FAAH2: variants seen among roughly 807,000 people sequenced by gnomAD.
The protein encoded by FAAH2 is fatty acid amide hydrolase 2, also known as fatty-acid amide hydrolase 2.
A neutral mutation model predicts 36.9 loss-of-function variants in FAAH2; 60 were observed. That is an observed-to-expected ratio of 1.63 (90% CI 1.32 to 2.02). The LOEUF (loss-of-function observed/expected upper bound fraction) is 2.02. Among genes scored for constraint, FAAH2 ranks in the 30% most tolerant of loss-of-function variants. The pLI is 0.00. For synonymous variants in FAAH2, 214 were observed against 143.8 expected (o/e 1.49, Z -3.49); for missense variants, 689 against 397.5 (o/e 1.73, Z -6.23).
the FAAH2 span, among the ~76,000 whole-genome samples, chrX:57,161,075 G>T: frequency 8.9e-6 from 1 of 111,914 alleles, no homozygotes; most frequent in Non-Finnish European, 1.9e-5. Context: ...GTTCTTGTTT[G>T]TTTCAAAGAA....
rs2057526274 is a variant in FAAH2, at chrX:57,489,066, C to G, written c.*134C>G. On this transcript the variant is annotated 3_prime_UTR_variant, in exon 11 of 11. Coordinates refer to ENST00000374900, the MANE Select transcript of FAAH2 (RefSeq NM_174912.4). Reference sequence around the variant, plus strand: ...GAATTTATTGACTCATTTAGTTATTCTTTCTACTTTTATTTCCTTCTCTAA... The same window carrying G: ...GAATTTATTGACTCATTTAGTTATTGTTTCTACTTTTATTTCCTTCTCTAA... The G allele has an allele frequency of 1.5e-6, 1 of 651,222 alleles. No homozygotes were observed. Among genetic ancestry groups the G allele is most frequent in the Non-Finnish European group, 2.2e-6 (1 of 457,681 alleles). The allele number at this position is 651,222 out of a possible 1,213,427, so 53.7% of individuals were successfully genotyped here.
intron 4 of FAAH2, 23 bp downstream of exon 4, chrX:57,331,830 G>T (rs1272280243): frequency 7.1e-6 from 8 of 1,132,301 alleles, no homozygotes; most frequent in African/African-American, 1.8e-5. Context: ...TTTTAGTATG[G>T]CATGAATAGC....
At chrX:57,397,143 T>C (rs769336720) in intron 7 of FAAH2, among the ~76,000 whole-genome samples, 1 of 111,977 alleles carries the variant, frequency 8.9e-6, no homozygotes, top group South Asian at 3.7e-4. Flanking sequence ...TTCTTCCCCC[T>C]TTTGCTTTTT....
chrX:57,480,685 C>T (rs2057363016), intron 10 of FAAH2, among the ~76,000 whole-genome samples: 1 of 111,119 alleles, frequency 9.0e-6, no homozygotes. Context: ...TCCTTCATTT[C>T]AATATTGGAG....
chrX:57,225,299 C>T, the FAAH2 span, among the ~76,000 whole-genome samples: 198 of 110,960 alleles, frequency 1.8e-3, no homozygotes, highest in Middle Eastern at 9.2e-3. Flanking sequence ...TTCCTCTTAG[C>T]GCCTCCTTAG....
chrX:57,323,916 A>G (rs1373628882), intron 3 of FAAH2, among the ~76,000 whole-genome samples: 2 of 110,840 alleles, frequency 1.8e-5, no homozygotes, highest in Non-Finnish European at 3.8e-5. Context: ...GTCCTTGCCC[A>G]TGCCTATGTC....
At chrX:57,125,017 C>T in the FAAH2 span, among the ~76,000 whole-genome samples, 1 of 112,276 alleles carries the variant, frequency 8.9e-6, no homozygotes, top group East Asian at 2.8e-4. Flanking sequence ...TCCTGATTGC[C>T]CTGGCCAGAA....
the FAAH2 span, among the ~76,000 whole-genome samples, chrX:57,130,397 A>G: frequency 4.7e-4 from 53 of 111,851 alleles, no homozygotes; most frequent in African/African-American, 1.7e-3. Context: ...AGTTACTGAA[A>G]CAGCACCCCT....
intron 7 of FAAH2, chrX:57,393,644 C>A (rs917844439): frequency 5.8e-5 from 55 of 951,440 alleles, no homozygotes; most frequent in Non-Finnish European, 7.7e-5. Flanking sequence ...ATCTTCAGCA[C>A]TGACGGGGTC....
chrX:57,408,441 A>G (rs777807044), intron 7 of FAAH2, among the ~76,000 whole-genome samples: 12 of 111,252 alleles, frequency 1.1e-4, no homozygotes, highest in Non-Finnish European at 2.3e-4. Context: ...TTCCTGATTT[A>G]TTTCTAACAT....
intron 7 of FAAH2, among the ~76,000 whole-genome samples, chrX:57,403,549 T>C (rs773898139): frequency 8.8e-6 from 1 of 113,020 alleles, no homozygotes; most frequent in Admixed American, 9.3e-5. Flanking sequence ...ACCGTTCTTA[T>C]GCAAATTCAT....
intron 7 of FAAH2, among the ~76,000 whole-genome samples, chrX:57,421,746 G>C (rs927703552): frequency 8.0e-5 from 9 of 111,992 alleles, no homozygotes; most frequent in Non-Finnish European, 1.5e-4. Context: ...TGAAAATGTG[G>C]TAATAGTGAA....
chrX:57,489,091 A>G lies in FAAH2; in HGVS notation c.*159A>G. The G allele has an allele frequency of 3.7e-6, 2 of 542,380 alleles. No homozygotes were observed. The allele number at this position is 542,380 out of a possible 1,213,427, so 44.7% of individuals were successfully genotyped here. ...CTTTCTACTTTTATTTCCTTCTCTAACTGTTGGTCTTACTAAAATGGTAAT... is the reference window on the plus strand; with the variant it reads ...CTTTCTACTTTTATTTCCTTCTCTAGCTGTTGGTCTTACTAAAATGGTAAT... On this transcript the variant is annotated 3_prime_UTR_variant, in exon 11 of 11. Transcript: ENST00000374900.
chrX:57,336,630 G>A (rs1373742070), intron 4 of FAAH2, among the ~76,000 whole-genome samples: 4 of 111,626 alleles, frequency 3.6e-5, no homozygotes, highest in Non-Finnish European at 7.5e-5. Flanking sequence ...AACCTGCTCC[G>A]GAATGACTTT....
At chrX:57,348,949 C>A (rs1386406761) in intron 5 of FAAH2, among the ~76,000 whole-genome samples, 4 of 106,109 alleles carry the variant, frequency 3.8e-5, no homozygotes, top group African/African-American at 1.4e-4. Flanking sequence ...GAAAAAAAAT[C>A]TCAAAATGCC....
chrX:57,129,612 A>C, the FAAH2 span, among the ~76,000 whole-genome samples: 1,849 of 112,460 alleles, frequency 0.016, 15 homozygotes, highest in Non-Finnish European at 0.025. Context: ...CTTCAAAGTT[A>C]TTTTTGTGAA....
intron 3 of FAAH2, among the ~76,000 whole-genome samples, chrX:57,320,122 C>T (rs2052974787): frequency 8.9e-6 from 1 of 111,828 alleles, no homozygotes; most frequent in African/African-American, 3.2e-5. Context: ...TAATTCATGA[C>T]TAAAACATCA....
In FAAH2 at chrX:57,415,774, C is replaced by T. The variant is rs1274909472; in HGVS notation, c.997-16144C>T. Among the ~76,000 whole-genome samples the T allele has an allele frequency of 2.7e-5, 3 of 110,788 alleles. No individual in the cohort carries two copies. The Admixed American group carries it at 2.9e-4, about 11-fold the overall frequency. On this transcript the variant is annotated intron_variant, in intron 7 of 10. Coordinates refer to ENST00000374900, the MANE Select transcript of FAAH2 (RefSeq NM_174912.4). The stretch of plus-strand genomic sequence containing the variant: ...TCTAGAGCTGAGTTCAAGTCCTGAA[C>T]ATCCCTGTTAATTTTCTGTGTTTTT...
chrX:57,423,203 T>C (rs1345835242), intron 7 of FAAH2, among the ~76,000 whole-genome samples: 2 of 112,068 alleles, frequency 1.8e-5, no homozygotes, highest in Non-Finnish European at 3.8e-5. Context: ...CATAGAGAAC[T>C]GCACGGAAAT....
Sources: allele counts gnomAD v4.1 joint callset (sites outside exome capture counted in the v4.1 genomes callset), GRCh38; gene constraint gnomAD v4.1.1; transcripts MANE v1.5; gene names NCBI Gene and HGNC (gene_info 2026-07-23, HGNC 2026-07-21).